The following PLD1 variants were observed in gnomAD, a reference collection of about 807,000 sequenced individuals.
The protein encoded by PLD1 is phospholipase D1.
PLD1 carries 112 observed loss-of-function variants against 137.1 expected under a neutral mutation model. That is an observed-to-expected ratio of 0.82 (90% CI 0.70 to 0.96). The LOEUF is 0.96. Ranked by LOEUF, PLD1 falls within the 40% of genes least tolerant of loss-of-function variation. The probability of loss-of-function intolerance (pLI) is 0.00; values close to 1 mark genes in which losing one functional copy is unlikely to be tolerated. For missense variants in PLD1, 1,321 were observed against 1,342.0 expected (o/e 0.98, Z 0.24); for synonymous variants, 431 against 454.7 (o/e 0.95, Z 0.66).
At chr3:171,713,588 C>A (rs1434801795) in intron 9 of PLD1, among the ~76,000 whole-genome samples, 2 of 152,170 alleles carry the variant, frequency 1.3e-5, no homozygotes, top group Admixed American at 1.3e-4. Flanking sequence ...GTAAAAGTTT[C>A]ATTTATTTTA....
chr3:171,757,868 AC>A (rs1721133914), intron 1 of PLD1, among the ~76,000 whole-genome samples: 2 of 152,234 alleles, frequency 1.3e-5, no homozygotes, highest in Non-Finnish European at 2.9e-5. Flanking sequence ...CATGGCTTTT[AC>A]TTAATTAAAG....
In PLD1 at chr3:171,737,523, C is replaced by T. The variant is rs775215861; in HGVS notation, c.288+9G>A. On this transcript the variant is annotated intron_variant, in intron 3 of 26. Coordinates refer to ENST00000351298, the MANE Select transcript of PLD1 (RefSeq NM_002662.5). ...AAAGAAAAAAGGGTGAGTCCATAAA[C>T]GCTCTGACCCTTGTTGTAGATGTGA... 1.6e-5 allele frequency: 26 copies of T among 1,597,192 alleles called. No individual in the cohort carries two copies. Among genetic ancestry groups the T allele is most frequent in the Middle Eastern group, 1.7e-4 (1 of 5,978 alleles).
chr3:171,780,847 C>A lies in PLD1; in HGVS notation c.-32+29552G>T, dbSNP rs561101894. ...TAAATAAGTGGATATACCGTGTTCA[C>A]GGATTAAAAGACCAAATATTGTTAA... is the stretch of plus-strand genomic sequence containing the variant. On this transcript the variant is annotated intron_variant, in intron 1 of 26. Transcript: ENST00000351298. Among the ~76,000 whole-genome samples, 9 of 152,284 alleles carry A rather than the reference C, an allele frequency of 5.9e-5. No individual in the cohort carries two copies. In the South Asian group the frequency reaches 1.9e-3, roughly 32 times the overall value.
intron 1 of PLD1, chr3:171,793,499 T>C (rs1723302548): frequency 6.6e-6 from 1 of 152,212 alleles, no homozygotes; most frequent in Admixed American, 6.5e-5. Context: ...TCCCCCCTTA[T>C]CTGTGGTTTC....
rs564663725 is a variant in PLD1 at position 171,660,691 on chromosome 3, C to T, written c.2340+1369G>A. 1.1e-4 allele frequency among the ~76,000 whole-genome samples: 17 copies of T among 152,134 alleles called. 1 individual carries two copies. The South Asian group carries it at 2.9e-3, about 26-fold the overall frequency. On this transcript the variant is annotated intron_variant, in intron 20 of 26. Transcript: ENST00000351298. ...CATGATCTCGGCTCACTGCAACCTT[C>T]GCCTCCCAGGTTCAAGTGATTCTCC...
chr3:171,696,099 T>C (rs1278261596), intron 12 of PLD1, among the ~76,000 whole-genome samples: 1 of 152,200 alleles, frequency 6.6e-6, no homozygotes, highest in African/African-American at 2.4e-5. Context: ...CAACTCTACA[T>C]TGTGCCTTGT....
intron 1 of PLD1, among the ~76,000 whole-genome samples, chr3:171,807,605 A>G (rs1723905056): frequency 6.6e-6 from 1 of 152,256 alleles, no homozygotes; most frequent in African/African-American, 2.4e-5. Context: ...CTGTAAGAGA[A>G]CATTTATACA....
intron 24 of PLD1, among the ~76,000 whole-genome samples, chr3:171,618,376 G>C (rs1394246738): frequency 6.6e-6 from 1 of 152,156 alleles, no homozygotes; most frequent in Non-Finnish European, 1.5e-5. Context: ...AAGTAAACGA[G>C]GCTGAAAGTC....
At chr3:171,790,787 C>T (rs556040544) in intron 1 of PLD1, among the ~76,000 whole-genome samples, 3 of 152,300 alleles carry the variant, frequency 2.0e-5, no homozygotes, top group Non-Finnish European at 2.9e-5. Flanking sequence ...CTGATGACTT[C>T]TAGAGCCGTC....
intron 1 of PLD1, among the ~76,000 whole-genome samples, chr3:171,781,127 A>C (rs1440564029): frequency 6.6e-6 from 1 of 152,200 alleles, no homozygotes; most frequent in East Asian, 1.9e-4. Context: ...CAAATAGATC[A>C]ATACAACAGG....
At chr3:171,791,754 G>A (rs1723221703) in intron 1 of PLD1, 1 of 150,520 alleles carries the variant, frequency 6.6e-6, no homozygotes, top group African/African-American at 2.4e-5. Context: ...TCATAATACT[G>A]AAGAGTCTTT....
At chr3:171,679,016 C>T (rs371349265) in intron 16 of PLD1, among the ~76,000 whole-genome samples, 127 of 146,018 alleles carry the variant, frequency 8.7e-4, no homozygotes, top group Middle Eastern at 3.5e-3. Flanking sequence ...GAGGCAGTCA[C>T]TAGCACTGCT....
intron 1 of PLD1, among the ~76,000 whole-genome samples, chr3:171,805,927 G>T (rs1422692921): frequency 2.0e-5 from 3 of 152,174 alleles, no homozygotes; most frequent in South Asian, 2.1e-4. Flanking sequence ...GTGAATCCCA[G>T]CACGTTTGGA....
chr3:171,645,883 CAAAAAAA>C (rs1162718346), intron 21 of PLD1, among the ~76,000 whole-genome samples: 140 of 59,210 alleles, frequency 2.4e-3, no homozygotes, highest in South Asian at 0.016. Context: ...GACTCCATCT[CAAAAAAA>C]AAAAAAAAAA....
chr3:171,711,153 G>A (rs928633809), intron 9 of PLD1, among the ~76,000 whole-genome samples: 8 of 144,714 alleles, frequency 5.5e-5, no homozygotes, highest in African/African-American at 2.1e-4. Context: ...ACAGGCATGA[G>A]CCACTGTGCC....
At chr3:171,627,188 A>G (rs1173830314) in intron 23 of PLD1, among the ~76,000 whole-genome samples, 4 of 152,238 alleles carry the variant, frequency 2.6e-5, no homozygotes, top group African/African-American at 9.6e-5. Flanking sequence ...TGGAAAACAA[A>G]AAAAAGGCAG....
At position 171,600,958 on chromosome 3, in the gene PLD1, C is replaced by G. The variant is rs1163208972; in HGVS notation, c.*2120G>C. 6.6e-6 allele frequency: 1 copy of G among 152,156 alleles called. No individual in the cohort carries two copies. The highest frequency in any genetic ancestry group is 1.5e-5 in the Non-Finnish European group (1 of 68,034). The allele number at this position is 152,156 out of a possible 1,614,324, so 9.4% of individuals were successfully genotyped here. A position where few individuals can be genotyped will look rare whatever the true frequency, so the allele number is the denominator to read the frequency against. Reference sequence around the variant, plus strand: ...AACAAAATACAGTGAAGTCCCTGCCCCATGGAGCTTACATTCTAGTAGGGG... The same window carrying G: ...AACAAAATACAGTGAAGTCCCTGCCGCATGGAGCTTACATTCTAGTAGGGG... On this transcript the variant is annotated 3_prime_UTR_variant, in exon 27 of 27. Transcript: ENST00000351298.
chr3:171,698,283 G>T (rs1201769594), intron 12 of PLD1, among the ~76,000 whole-genome samples: 3 of 152,162 alleles, frequency 2.0e-5, no homozygotes, highest in Non-Finnish European at 4.4e-5. Context: ...ACCGTATGAT[G>T]AATTATTTAA....
chr3:171,794,753 C>A (rs113610580), intron 1 of PLD1, among the ~76,000 whole-genome samples: 2 of 152,068 alleles, frequency 1.3e-5, no homozygotes, highest in African/African-American at 4.8e-5. Flanking sequence ...TTGGGATACA[C>A]CTTTGCTGCT....
Sources: allele counts gnomAD v4.1 joint callset (sites outside exome capture counted in the v4.1 genomes callset), GRCh38; gene constraint gnomAD v4.1.1; transcripts MANE v1.5; gene names NCBI Gene and HGNC (gene_info 2026-07-23, HGNC 2026-07-21).